The following PPP1R13B variants were observed in gnomAD, a reference collection of about 807,000 sequenced individuals.
The protein encoded by PPP1R13B is protein phosphatase 1 regulatory subunit 13B.
PPP1R13B carries 44 observed loss-of-function variants against 119.8 expected under a neutral mutation model. The ratio of observed to expected loss-of-function variants is 0.37; its 90% CI spans 0.29 to 0.47. The LOEUF is 0.47. Ranked by LOEUF, PPP1R13B falls within the 20% of genes least tolerant of loss-of-function variation. The pLI, the probability that PPP1R13B is intolerant of heterozygous loss-of-function variation, is 0.99. For synonymous variants in PPP1R13B, 542 were observed against 561.5 expected, an observed-to-expected ratio of 0.97 and a Z score of 0.49; for missense variants, 1,227 against 1,413.5, an observed-to-expected ratio of 0.87 and a Z score of 2.12.
chr14:103,770,382 G>C (rs575496390), intron 4 of PPP1R13B, among the ~76,000 whole-genome samples: 30 of 152,202 alleles, frequency 2.0e-4, no homozygotes, highest in Middle Eastern at 3.4e-3. Flanking sequence ...AGGCGTGGTG[G>C]CGCATGCCTG....
Position 103,738,933 on chromosome 14 carries a change from C to G in PPP1R13B, c.2683G>C (p.Ala895Pro), listed in dbSNP as rs1217524472. 1 of 1,613,994 alleles carries G rather than the reference C, an allele frequency of 6.2e-7. No individual in the cohort carries two copies. Among genetic ancestry groups the G allele is most frequent in the African/African-American group, 1.3e-5 (1 of 74,936 alleles). ...RFNPLALLLD[A>P]SLEGEFDLVQ... ...AGATCGAACTCTCCTTCCAGAGACG[C>G]GTCTAGGAGCAGTGCCAGGGGGTTA... The change falls in exon 13 of 17, where the codon GCG (alanine) becomes CCG (proline). Residue 895 changes from alanine (A) to proline (P), a missense_variant. Transcript: ENST00000202556. The surrounding 1 kb of genome is among the most constrained non-coding windows in gnomAD (Gnocchi z 5.6).
chr14:103,761,274 TAAAAAAAAAAA>T (rs59281762), intron 4 of PPP1R13B, among the ~76,000 whole-genome samples: 3 of 104,746 alleles, frequency 2.9e-5, no homozygotes, highest in African/African-American at 7.8e-5. Context: ...ACCCTATATT[TAAAAAAAAAAA>T]AAAAAAAAAA....
At chr14:103,752,733 C>T (rs2084581890) in intron 7 of PPP1R13B, among the ~76,000 whole-genome samples, 1 of 151,876 alleles carries the variant, frequency 6.6e-6, no homozygotes, top group African/African-American at 2.4e-5. Context: ...CGGGGTTTCA[C>T]CATATTGGCC....
intron 4 of PPP1R13B, among the ~76,000 whole-genome samples, chr14:103,761,620 G>T (rs886513681): frequency 6.6e-6 from 1 of 151,892 alleles, no homozygotes; most frequent in Non-Finnish European, 1.5e-5. Context: ...AAAATTAGCC[G>T]GGCATGGTGG....
chr14:103,795,575 G>C (rs374376472), intron 2 of PPP1R13B, among the ~76,000 whole-genome samples: 5 of 152,244 alleles, frequency 3.3e-5, no homozygotes, highest in African/African-American at 9.6e-5. Context: ...TAATACTCGT[G>C]TAAAAATTTT....
chr14:103,803,675 TAAAC>T (rs1017972436), intron 1 of PPP1R13B, among the ~76,000 whole-genome samples: 7 of 152,208 alleles, frequency 4.6e-5, no homozygotes, highest in African/African-American at 7.2e-5. Context: ...AATTAATTAA[TAAAC>T]AAATAAATAA....
At chr14:103,844,719 CTG>C (rs2086989406) in intron 1 of PPP1R13B, among the ~76,000 whole-genome samples, 1 of 151,912 alleles carries the variant, frequency 6.6e-6, no homozygotes, top group Non-Finnish European at 1.5e-5. Flanking sequence ...GAGTGAGACT[CTG>C]TCACAAAAAA....
intron 1 of PPP1R13B, among the ~76,000 whole-genome samples, chr14:103,817,255 C>T (rs1164823150): frequency 6.6e-6 from 1 of 152,136 alleles, no homozygotes; most frequent in Non-Finnish European, 1.5e-5. Context: ...TGTTACTGCA[C>T]AGTGACATGG....
intron 1 of PPP1R13B, among the ~76,000 whole-genome samples, chr14:103,837,314 A>T (rs1215453311): frequency 6.6e-6 from 1 of 152,214 alleles, no homozygotes. Context: ...ATTTTACCTT[A>T]AGATTTAAGG....
chr14:103,792,552 T>C (rs2085649346), intron 2 of PPP1R13B, among the ~76,000 whole-genome samples: 1 of 152,084 alleles, frequency 6.6e-6, no homozygotes, highest in Admixed American at 6.6e-5. Context: ...ATTTTCGTTT[T>C]AAAGTAGAAA....
At chr14:103,826,831 A>AC (rs1339559841) in intron 1 of PPP1R13B, among the ~76,000 whole-genome samples, 5 of 150,992 alleles carry the variant, frequency 3.3e-5, no homozygotes, top group African/African-American at 1.2e-4. Context: ...ACAAGGTGAA[A>AC]CCCTGTCTCT....
At chr14:103,769,139 G>A (rs541551743) in intron 4 of PPP1R13B, among the ~76,000 whole-genome samples, 3 of 152,284 alleles carry the variant, frequency 2.0e-5, no homozygotes, top group South Asian at 4.1e-4. Flanking sequence ...AGGCTGGAGT[G>A]CAGTGGTGCG....
intron 15 of PPP1R13B, 95 bp downstream of exon 15, chr14:103,737,595 CAGAA>C (rs2084145817): frequency 7.8e-6 from 11 of 1,418,790 alleles, no homozygotes; most frequent in South Asian, 4.2e-5. Context: ...AAAAAACAAA[CAGAA>C]AGCTGTGCTG....
chr14:103,775,018 C>G (rs1280496974), intron 4 of PPP1R13B, among the ~76,000 whole-genome samples: 1 of 152,080 alleles, frequency 6.6e-6, no homozygotes, highest in Non-Finnish European at 1.5e-5. Context: ...TTTTGTTGAT[C>G]TTGAAATATA....
intron 4 of PPP1R13B, chr14:103,778,531 A>G: frequency 2.0e-6 from 1 of 510,404 alleles, no homozygotes; most frequent in Non-Finnish European, 3.5e-6. Flanking sequence ...AAGTGCTAGG[A>G]TTACATGTGT....
At chr14:103,848,297 G>A, upstream of PPP1R13B, 2 of 985,468 alleles carry the variant, frequency 2.0e-6, no homozygotes, top group Non-Finnish European at 2.4e-6. Flanking sequence ...TCGAGGTCCA[G>A]CTCCAGCGTC....
chr14:103,839,848 A>G (rs1279955397), intron 1 of PPP1R13B, among the ~76,000 whole-genome samples: 1 of 152,176 alleles, frequency 6.6e-6, no homozygotes, highest in Non-Finnish European at 1.5e-5. Context: ...TATGATAATT[A>G]CAATCACAAC....
chr14:103,740,841 T>C lies in PPP1R13B; in HGVS notation c.1823-248A>G, dbSNP rs2084239688. ...TTTGGGTTTCCAGAACTGGAGCTTT[T>C]TCAAAAGAAAAAAATAGGGTGCTAA... On this transcript the variant is annotated intron_variant, in intron 11 of 16. Coordinates refer to ENST00000202556, the MANE Select transcript of PPP1R13B (RefSeq NM_015316.3). The surrounding 1 kb of genome is among the most constrained non-coding windows in gnomAD (Gnocchi z 4.6). 6.6e-6 allele frequency among the ~76,000 whole-genome samples: 1 copy of C among 152,222 alleles called. No individual in the cohort carries two copies. Among genetic ancestry groups the C allele is most frequent in the Non-Finnish European group, 1.5e-5 (1 of 68,032 alleles).
chr14:103,768,422 G>A (rs1000548529), intron 4 of PPP1R13B, among the ~76,000 whole-genome samples: 1 of 151,896 alleles, frequency 6.6e-6, no homozygotes, highest in Non-Finnish European at 1.5e-5. Flanking sequence ...TCAGCCTCTC[G>A]AGTAGCTGGA....
Sources: allele counts gnomAD v4.1 joint callset (sites outside exome capture counted in the v4.1 genomes callset), GRCh38; gene constraint gnomAD v4.1.1; non-coding constraint Gnocchi (gnomAD v3.1); transcripts MANE v1.5; gene names NCBI Gene and HGNC (gene_info 2026-07-23, HGNC 2026-07-21).